Variants in SAMSN1 observed in about 807,000 individuals in gnomAD.
The protein encoded by SAMSN1 is SAM domain-containing protein SAMSN-1.
In SAMSN1, 31 loss-of-function variants were observed where a neutral mutation model predicts 42.0. That is an observed-to-expected ratio of 0.74 (90% CI 0.55 to 1.00). SAMSN1 has a LOEUF of 1.00. SAMSN1 is among the 50% of genes least tolerant of loss of function. The probability of loss-of-function intolerance (pLI) is 0.00; values close to 1 mark genes in which losing one functional copy is unlikely to be tolerated. For synonymous variants in SAMSN1, 178 were observed against 151.9 expected (o/e 1.17, Z -1.26); for missense variants, 464 against 439.4 (o/e 1.06, Z -0.50).
chr21:14,503,607 G>A (rs73344139), intron 5 of SAMSN1, among the ~76,000 whole-genome samples: 10,853 of 152,146 alleles, frequency 0.071, 1,205 homozygotes, highest in African/African-American at 0.24. Context: ...GAGTAAGAAG[G>A]GGGAATTCAG....
chr21:14,629,227 A>T (rs1347555189), intron 2 of SAMSN1, among the ~76,000 whole-genome samples: 1 of 152,190 alleles, frequency 6.6e-6, no homozygotes, highest in Non-Finnish European at 1.5e-5. Flanking sequence ...CTAATAATTT[A>T]GTACTATTTG....
At chr21:14,595,803 G>A (rs968355806) in intron 6 of SAMSN1, among the ~76,000 whole-genome samples, 1 of 152,114 alleles carries the variant, frequency 6.6e-6, no homozygotes, top group African/African-American at 2.4e-5. Flanking sequence ...CAAGAGGTTT[G>A]AAGCAGAAAA....
intron 5 of SAMSN1, among the ~76,000 whole-genome samples, chr21:14,606,919 G>A (rs1982584703): frequency 6.6e-6 from 1 of 152,150 alleles, no homozygotes; most frequent in Non-Finnish European, 1.5e-5. Flanking sequence ...ATAGCCTATG[G>A]AATTTTTTCA....
intron 7 of SAMSN1, among the ~76,000 whole-genome samples, chr21:14,493,728 C>A (rs1041156382): frequency 6.6e-6 from 1 of 152,180 alleles, no homozygotes; most frequent in African/African-American, 2.4e-5. Context: ...ACAGATCCTG[C>A]TCTCTTGTCC....
chr21:14,490,271 A>C (rs1448185828), intron 7 of SAMSN1, among the ~76,000 whole-genome samples: 5 of 152,202 alleles, frequency 3.3e-5, no homozygotes. Context: ...GGGCATTGGA[A>C]CTAAAGGAGA....
At chr21:14,489,578 T>C (rs889077589) in intron 7 of SAMSN1, among the ~76,000 whole-genome samples, 6 of 152,284 alleles carry the variant, frequency 3.9e-5, no homozygotes, top group African/African-American at 1.4e-4. Flanking sequence ...TGAAGAATTA[T>C]TAAATAATTT....
chr21:14,589,204 C>A (rs1365757718), intron 7 of SAMSN1, among the ~76,000 whole-genome samples: 4 of 151,850 alleles, frequency 2.6e-5, no homozygotes, highest in African/African-American at 9.7e-5. Context: ...ATTTTATGAG[C>A]TAGGATGGAA....
chr21:14,574,571 G>T (rs2123225552), intron 2 of SAMSN1, among the ~76,000 whole-genome samples: 1 of 152,188 alleles, frequency 6.6e-6, no homozygotes, highest in African/African-American at 2.4e-5. Flanking sequence ...TTGTGTAATT[G>T]GGAAAAGCCA....
intron 2 of SAMSN1, among the ~76,000 whole-genome samples, chr21:14,635,793 T>C (rs1045317305): frequency 6.6e-6 from 1 of 152,150 alleles, no homozygotes; most frequent in African/African-American, 2.4e-5. Flanking sequence ...CAACAACATT[T>C]GATGCTCGCT....
At chr21:14,634,177 A>C (rs955086076) in intron 2 of SAMSN1, among the ~76,000 whole-genome samples, 4 of 141,382 alleles carry the variant, frequency 2.8e-5, no homozygotes, top group African/African-American at 1.0e-4. Flanking sequence ...TGGATTAAAG[A>C]CTTAAATTTA....
chr21:14,567,059 A>G (rs7283280), intron 2 of SAMSN1, among the ~76,000 whole-genome samples: 1,910 of 152,288 alleles, frequency 0.013, 27 homozygotes, highest in African/African-American at 0.042. Context: ...TTGCTCCTCA[A>G]TGATTGGGTT....
intron 2 of SAMSN1, among the ~76,000 whole-genome samples, chr21:14,630,523 AAC>A (rs1983301792): frequency 5.9e-5 from 9 of 152,316 alleles, no homozygotes; most frequent in Middle Eastern, 3.4e-3. Context: ...ATTTTATTTT[AAC>A]ATAAGTCTCT....
chr21:14,626,417 T>C (rs1024480811), intron 2 of SAMSN1, among the ~76,000 whole-genome samples: 4 of 152,004 alleles, frequency 2.6e-5, no homozygotes, highest in African/African-American at 7.3e-5. Flanking sequence ...TACAAAGAAC[T>C]CAAACAAACT....
chr21:14,539,868 G>A lies in SAMSN1; in HGVS notation c.57+6337C>T, dbSNP rs187632366. On this transcript the variant is annotated intron_variant, in intron 1 of 7. Coordinates refer to ENST00000400566, the MANE Select transcript of SAMSN1 (RefSeq NM_022136.5). ...CTAAGCCAGAAGAACAAAGCTGGAG[G>A]CATCACGCTACCTGACTTCAAACTA... Among the ~76,000 whole-genome samples, 569 of 152,298 alleles carry A rather than the reference G, an allele frequency of 3.7e-3. 1 individual carries two copies. The highest frequency in any genetic ancestry group is 7.4e-3 in the Admixed American group (114 of 15,308).
rs144285393 is a variant in SAMSN1, at chr21:14,525,985, C to A, written c.58-4764G>T. ...ATTGAAGCGATTCTCCTGCCTCAGC[C>A]CCCCCGAGTAGCTGGGATTACAGGC... On this transcript the variant is annotated intron_variant, in intron 1 of 7. Coordinates refer to ENST00000400566, the MANE Select transcript of SAMSN1 (RefSeq NM_022136.5). Among the ~76,000 whole-genome samples the A allele has an allele frequency of 1.2e-3, 189 of 152,144 alleles. No homozygotes were observed. The Middle Eastern group carries it at 0.014, about 11-fold the overall frequency.
chr21:14,641,969 T>C (rs1735656690), intron 2 of SAMSN1, among the ~76,000 whole-genome samples: 3 of 152,176 alleles, frequency 2.0e-5, no homozygotes, highest in Admixed American at 1.3e-4. Flanking sequence ...GTTATATGTA[T>C]TATATACTGT....
At chr21:14,549,769 A>G (rs546556384), upstream of SAMSN1, among the ~76,000 whole-genome samples, 93 of 152,248 alleles carry the variant, frequency 6.1e-4, 1 homozygote, top group African/African-American at 2.1e-3. Flanking sequence ...GTCAATCATA[A>G]AAGTAACTTA....
chr21:14,618,622 A>G (rs1982905030), intron 2 of SAMSN1, among the ~76,000 whole-genome samples: 1 of 151,986 alleles, frequency 6.6e-6, no homozygotes, highest in Non-Finnish European at 1.5e-5. Context: ...AAGAAAGACT[A>G]CATACACTTT....
At chr21:14,633,235 C>A (rs1415269055) in intron 2 of SAMSN1, among the ~76,000 whole-genome samples, 1 of 152,064 alleles carries the variant, frequency 6.6e-6, no homozygotes, top group African/African-American at 2.4e-5. Context: ...ACCATGCACA[C>A]CCTATTACTT....
Sources: gnomAD v4.1 joint callset for allele counts (sites outside exome capture counted in the v4.1 genomes callset) on GRCh38, gnomAD v4.1.1 for gene constraint, MANE v1.5 for transcripts, NCBI Gene and HGNC (gene_info 2026-07-23, HGNC 2026-07-21) for gene names.